The following ARMC9 variants were observed in gnomAD, a reference collection of about 807,000 sequenced individuals.
The protein encoded by ARMC9 is armadillo repeat containing 9.
Under a neutral mutation model 107.0 loss-of-function variants are expected in ARMC9, and 94 were observed. The observed-to-expected ratio is 0.88, with a 90% confidence interval of 0.74 to 1.04. ARMC9 has a LOEUF of 1.04. Among genes scored for constraint, ARMC9 ranks in the 50% least tolerant of loss-of-function variants. The probability of loss-of-function intolerance (pLI) is 0.00; values close to 1 mark genes in which losing one functional copy is unlikely to be tolerated. For missense variants in ARMC9, 942 were observed against 1,030.1 expected (o/e 0.91, Z 1.17); for synonymous variants, 380 against 396.9 (o/e 0.96, Z 0.51).
At chr2:231,228,386 C>T (rs557215232) in intron 7 of ARMC9, among the ~76,000 whole-genome samples, 1 of 152,222 alleles carries the variant, frequency 6.6e-6, no homozygotes, top group Non-Finnish European at 1.5e-5. Context: ...CTGGGGCCAA[C>T]TCCAAGGCAC....
At chr2:231,283,184 C>T (rs2040343485) in intron 17 of ARMC9, among the ~76,000 whole-genome samples, 1 of 152,102 alleles carries the variant, frequency 6.6e-6, no homozygotes, top group Admixed American at 6.6e-5. Context: ...AAGAGAGGGA[C>T]AACTTCCGAA....
intron 19 of ARMC9, among the ~76,000 whole-genome samples, chr2:231,313,956 C>T (rs1478454068): frequency 1.3e-5 from 2 of 150,494 alleles, no homozygotes; most frequent in Non-Finnish European, 3.0e-5. Flanking sequence ...GACGGAATCC[C>T]ACTATGTTGC....
intron 23 of ARMC9, among the ~76,000 whole-genome samples, chr2:231,361,964 T>A (rs555536159): frequency 6.6e-6 from 1 of 152,016 alleles, no homozygotes; most frequent in Non-Finnish European, 1.5e-5. Context: ...TTGGGTGGGA[T>A]GGGCTAGAAG....
chr2:231,336,176 G>T (rs1296190964), intron 20 of ARMC9, among the ~76,000 whole-genome samples: 1 of 151,028 alleles, frequency 6.6e-6, no homozygotes, highest in Non-Finnish European at 1.5e-5. Flanking sequence ...CTGGGTTAAA[G>T]GATATAAACA....
chr2:231,346,604 A>G lies in ARMC9; in HGVS notation c.1994+1514A>G, dbSNP rs185288881. Among the ~76,000 whole-genome samples the G allele has an allele frequency of 1.3e-4, 20 of 152,312 alleles. No homozygotes were observed. In the East Asian group the frequency reaches 2.9e-3, roughly 22 times the overall value. On this transcript the variant is annotated intron_variant, in intron 21 of 24. Coordinates refer to ENST00000611582, the MANE Select transcript of ARMC9 (RefSeq NM_001352754.2). The stretch of plus-strand genomic sequence containing the variant: ...TATCTCTCTCTCTTGCTCTCCTTCT[A>G]TGTGTATGATACATAATTTACATGC...
At chr2:231,212,782 A>G (rs1006851932) in intron 3 of ARMC9, among the ~76,000 whole-genome samples, 21 of 152,214 alleles carry the variant, frequency 1.4e-4, no homozygotes, top group Non-Finnish European at 2.9e-4. Context: ...TTGTTTTGGC[A>G]ACCCTCACCC....
At chr2:231,254,843 TCTC>T (rs1243465114) in intron 9 of ARMC9, among the ~76,000 whole-genome samples, 1 of 152,084 alleles carries the variant, frequency 6.6e-6, no homozygotes, top group East Asian at 1.9e-4. Flanking sequence ...CTTGCTTTCT[TCTC>T]CTCTACTTAT....
intron 6 of ARMC9, 102 bp from the exon 7 acceptor site, chr2:231,226,670 GTT>G: frequency 7.3e-7 from 1 of 1,371,178 alleles, no homozygotes; most frequent in Non-Finnish European, 1.0e-6. Context: ...CGAGAATTCT[GTT>G]TCATCATGCT....
At chr2:231,219,621 T>C (rs2033897320) in intron 5 of ARMC9, among the ~76,000 whole-genome samples, 1 of 152,212 alleles carries the variant, frequency 6.6e-6, no homozygotes, top group Non-Finnish European at 1.5e-5. Flanking sequence ...TTTCTATTTT[T>C]ACTTGAGATT....
chr2:231,201,613 C>T (rs966564930), intron 1 of ARMC9, among the ~76,000 whole-genome samples: 4 of 152,232 alleles, frequency 2.6e-5, no homozygotes, highest in African/African-American at 9.6e-5. Context: ...CTGGAATGTG[C>T]CTCCTTCAGC....
At chr2:231,215,467 C>T (rs1445305851) in intron 4 of ARMC9, among the ~76,000 whole-genome samples, 2 of 152,300 alleles carry the variant, frequency 1.3e-5, no homozygotes, top group East Asian at 1.9e-4. Flanking sequence ...GGATTACAGG[C>T]GTGAGCCACT....
At chr2:231,299,084 A>G (rs1470427018) in intron 19 of ARMC9, among the ~76,000 whole-genome samples, 1 of 152,212 alleles carries the variant, frequency 6.6e-6, no homozygotes, top group African/African-American at 2.4e-5. Context: ...CCCCTGATGC[A>G]AAGTCTCGTT....
chr2:231,306,841 T>C (rs1449356274), intron 19 of ARMC9, among the ~76,000 whole-genome samples: 1 of 152,150 alleles, frequency 6.6e-6, no homozygotes, highest in African/African-American at 2.4e-5. Context: ...CAGTGAGTCT[T>C]GAACAACAGG....
intron 3 of ARMC9, among the ~76,000 whole-genome samples, chr2:231,212,527 C>G (rs2033008482): frequency 6.6e-6 from 1 of 152,312 alleles, no homozygotes; most frequent in South Asian, 2.1e-4. Flanking sequence ...AGAGTCTGCG[C>G]TCACCTCATC....
chr2:231,361,011 C>A, intron 23 of ARMC9, 128 bp downstream of exon 23: 1 of 1,369,586 alleles, frequency 7.3e-7, no homozygotes, highest in Non-Finnish European at 9.6e-7. Context: ...ACAGGGGAGG[C>A]TAAGGAGCAG....
intron 14 of ARMC9, among the ~76,000 whole-genome samples, chr2:231,275,277 T>C (rs1200546922): frequency 6.6e-6 from 1 of 152,172 alleles, no homozygotes; most frequent in African/African-American, 2.4e-5. Context: ...GGTTCTGCTG[T>C]TCTGTCCTGA....
chr2:231,272,188 T>C (rs1028500265), intron 13 of ARMC9, among the ~76,000 whole-genome samples: 1 of 81,622 alleles, frequency 1.2e-5, no homozygotes, highest in Non-Finnish European at 2.1e-5. Context: ...GTGTGTTTGG[T>C]TTTTTTTTTT....
chr2:231,280,110 C>G (rs1330026592), intron 16 of ARMC9, among the ~76,000 whole-genome samples: 2 of 152,166 alleles, frequency 1.3e-5, no homozygotes, highest in Non-Finnish European at 2.9e-5. Context: ...ACTTAATAGA[C>G]CAAAGGATTC....
chr2:231,259,143 C>A (rs2038108401), intron 11 of ARMC9, 41 bp downstream of exon 11: 1 of 1,530,110 alleles, frequency 6.5e-7, no homozygotes, highest in African/African-American at 1.4e-5. Context: ...AAAACCAAAC[C>A]AGTGCTGGTT....
Sources: gnomAD v4.1 joint callset for allele counts (sites outside exome capture counted in the v4.1 genomes callset) on GRCh38, gnomAD v4.1.1 for gene constraint, MANE v1.5 for transcripts, NCBI Gene and HGNC (gene_info 2026-07-23, HGNC 2026-07-21) for gene names.